The following RAB33A variants were observed in gnomAD, a reference collection of about 807,000 sequenced individuals.
The protein encoded by RAB33A is RAB33A, member RAS oncogene family, also known as ras-related protein Rab-33A.
RAB33A carries 6 observed loss-of-function variants against 12.0 expected under a neutral mutation model. That is an observed-to-expected ratio of 0.50 (90% CI 0.27 to 0.99). RAB33A has a LOEUF of 0.99. RAB33A is among the 50% of genes least tolerant of loss of function. The probability of loss-of-function intolerance (pLI) is 0.11; values close to 1 mark genes in which losing one functional copy is unlikely to be tolerated. For synonymous variants in RAB33A, 70 were observed against 82.4 expected (o/e 0.85, Z 0.81); for missense variants, 109 against 192.0 (o/e 0.57, Z 2.55).
chrX:130,130,851 C>T, the RAB33A span, among the ~76,000 whole-genome samples: 1,571 of 112,108 alleles, frequency 0.014, 15 homozygotes, highest in Middle Eastern at 0.037. Flanking sequence ...CTGAGAACCA[C>T]CAGCCTCCAA....
chrX:130,115,058 C>T, the RAB33A span, among the ~76,000 whole-genome samples: 1 of 111,142 alleles, frequency 9.0e-6, no homozygotes, highest in Admixed American at 9.6e-5. Context: ...CTCACCTCGG[C>T]CTCCCAAAGT....
At chrX:130,130,160 C>T in the RAB33A span, 1 of 1,211,919 alleles carries the variant, frequency 8.3e-7, no homozygotes, top group Non-Finnish European at 1.1e-6. Flanking sequence ...TGATCGGATA[C>T]CAGTTCCTGT....
At chrX:130,150,489 C>G in the RAB33A span, among the ~76,000 whole-genome samples, 279 of 102,405 alleles carry the variant, frequency 2.7e-3, no homozygotes, top group Non-Finnish European at 4.1e-3. Flanking sequence ...GCGCCCGCCA[C>G]TATGCCCGGC....
the RAB33A span, among the ~76,000 whole-genome samples, chrX:130,127,036 G>GGTGTGTGTGT: frequency 2.2e-4 from 23 of 106,018 alleles, 1 homozygote; most frequent in African/African-American, 7.2e-4. Context: ...CAATAAACCA[G>GGTGTGTGTGT]GTGTGTGTGT....
At chrX:130,123,902 C>T in the RAB33A span, among the ~76,000 whole-genome samples, 1 of 110,184 alleles carries the variant, frequency 9.1e-6, no homozygotes, top group African/African-American at 3.3e-5. Flanking sequence ...GAAGACACAA[C>T]CATAAAACGG....
chrX:130,159,208 G>C, the RAB33A span, among the ~76,000 whole-genome samples: 30 of 111,305 alleles, frequency 2.7e-4, no homozygotes, highest in Non-Finnish European at 4.7e-4. Flanking sequence ...ATGAAAACTT[G>C]ATAGTCTTAA....
chrX:130,140,636 T>C, the RAB33A span: 1 of 1,133,513 alleles, frequency 8.8e-7, no homozygotes, highest in African/African-American at 1.8e-5. Flanking sequence ...GTCACACACA[T>C]ACACAAAAGA....
At chrX:130,126,297 G>A in the RAB33A span, among the ~76,000 whole-genome samples, 3 of 111,363 alleles carry the variant, frequency 2.7e-5, no homozygotes, top group Non-Finnish European at 3.8e-5. Context: ...TTCGAGACCA[G>A]CCTGGCCAAC....
the RAB33A span, among the ~76,000 whole-genome samples, chrX:130,120,505 G>A: frequency 8.9e-6 from 1 of 112,093 alleles, no homozygotes; most frequent in Non-Finnish European, 1.9e-5. Flanking sequence ...CCATTCTACT[G>A]CCTGCGGGTC....
At chrX:130,171,400 C>T (rs1037407457), upstream of RAB33A, among the ~76,000 whole-genome samples, 32 of 112,197 alleles carry the variant, frequency 2.9e-4, no homozygotes, top group African/African-American at 1.0e-3. Context: ...GAGGTGCCTC[C>T]GCCCCCACCC....
the RAB33A span, among the ~76,000 whole-genome samples, chrX:130,157,269 C>T: frequency 3.6e-5 from 4 of 112,274 alleles, no homozygotes; most frequent in Non-Finnish European, 7.5e-5. Context: ...GTTATTTTGA[C>T]GTAAAACTAT....
Position 130,172,019 on chromosome X carries a change from G to A in RAB33A, c.-44G>A, listed in dbSNP as rs1331205027. 1.7e-6 allele frequency: 2 copies of A among 1,159,975 alleles called. No homozygotes were observed. The highest frequency in any genetic ancestry group is 5.2e-5 in the Admixed American group (2 of 38,332). On this transcript the variant is annotated 5_prime_UTR_variant, in exon 1 of 2. Coordinates refer to ENST00000257017, the MANE Select transcript of RAB33A (RefSeq NM_004794.3). ...ACGAACGTGGACGTTCTCTTTGTGT[G>A]GAGCCCTCAAGGGGGGTTGGGGCCC...
At chrX:130,121,252 CTTTT>C in the RAB33A span, among the ~76,000 whole-genome samples, 1 of 94,771 alleles carries the variant, frequency 1.1e-5, no homozygotes. Flanking sequence ...CTTTTCTTTT[CTTTT>C]TTTTTTTTTT....
the RAB33A span, among the ~76,000 whole-genome samples, chrX:130,131,451 G>A: frequency 8.9e-6 from 1 of 112,707 alleles, no homozygotes; most frequent in East Asian, 2.8e-4. Flanking sequence ...GTCTAGGACA[G>A]ATACCCACAA....
At chrX:130,126,583 A>G in the RAB33A span, among the ~76,000 whole-genome samples, 572 of 111,751 alleles carry the variant, frequency 5.1e-3, 2 homozygotes, top group African/African-American at 0.018. Flanking sequence ...GTAAGTGGCA[A>G]GTTGTGACAG....
At chrX:130,171,916 G>A (rs1480517396), upstream of RAB33A, 5 of 697,094 alleles carry the variant, frequency 7.2e-6, no homozygotes, top group Non-Finnish European at 1.0e-5. Context: ...CGCACACGGT[G>A]CCGGCGCACG....
chrX:130,147,916 T>C, the RAB33A span: 1 of 1,207,181 alleles, frequency 8.3e-7, no homozygotes, highest in East Asian at 3.0e-5. Context: ...CTTCTTGAAG[T>C]CTCAGATGAT....
the RAB33A span, among the ~76,000 whole-genome samples, chrX:130,117,926 G>A: frequency 3.6e-5 from 4 of 112,423 alleles, no homozygotes; most frequent in African/African-American, 1.3e-4. Flanking sequence ...CCACAGCCCG[G>A]TGCAGGCGGA....
the RAB33A span, among the ~76,000 whole-genome samples, chrX:130,142,543 A>C: frequency 1.8e-5 from 2 of 111,494 alleles, no homozygotes; most frequent in African/African-American, 6.5e-5. Context: ...CTTTGATTCT[A>C]TGTCCTCTTC....
Sources: gnomAD v4.1 joint callset for allele counts (sites outside exome capture counted in the v4.1 genomes callset) on GRCh38, gnomAD v4.1.1 for gene constraint, MANE v1.5 for transcripts, NCBI Gene and HGNC (gene_info 2026-07-23, HGNC 2026-07-21) for gene names.